COL23A1: variants seen among roughly 807,000 people sequenced by gnomAD.
COL23A1 encodes the protein collagen alpha-1(XXIII) chain.
In COL23A1, 97 loss-of-function variants were observed where a neutral mutation model predicts 99.3. That is an observed-to-expected ratio of 0.98 (90% CI 0.83 to 1.16). The LOEUF is 1.16. COL23A1 is among the 50% of genes most tolerant of loss of function. The pLI, the probability that COL23A1 is intolerant of heterozygous loss-of-function variation, is 0.00. For synonymous variants in COL23A1, 320 were observed against 308.2 expected, an observed-to-expected ratio of 1.04 and a Z score of -0.40; for missense variants, 762 against 757.4, an observed-to-expected ratio of 1.01 and a Z score of -0.07.
intron 2 of COL23A1, among the ~76,000 whole-genome samples, chr5:178,456,281 A>T (rs1767788569): frequency 6.6e-6 from 1 of 152,232 alleles, no homozygotes; most frequent in Non-Finnish European, 1.5e-5. Flanking sequence ...TTACTTTTGT[A>T]GTGAGGGAAT....
chr5:178,357,772 GTGTGTATGTGTA>G (rs1185124998), intron 2 of COL23A1, among the ~76,000 whole-genome samples: 3 of 146,726 alleles, frequency 2.0e-5, no homozygotes, highest in African/African-American at 5.2e-5. Flanking sequence ...GTGTATGTAT[GTGTGTATGTGTA>G]TGTGTGTGTG....
intron 2 of COL23A1, among the ~76,000 whole-genome samples, chr5:178,463,995 C>A (rs1450614508): frequency 6.6e-6 from 1 of 152,234 alleles, no homozygotes. Flanking sequence ...GGGGAGAAAT[C>A]TGCCGCCTCC....
intron 2 of COL23A1, among the ~76,000 whole-genome samples, chr5:178,360,197 T>C (rs1186539945): frequency 6.6e-6 from 1 of 152,140 alleles, no homozygotes; most frequent in East Asian, 1.9e-4. Flanking sequence ...AGCACAGAGA[T>C]TTCTCGGTTG....
At chr5:178,517,138 T>C (rs2127999898) in intron 2 of COL23A1, among the ~76,000 whole-genome samples, 1 of 152,308 alleles carries the variant, frequency 6.6e-6, no homozygotes, top group Middle Eastern at 3.4e-3. Context: ...CAAGGCATGG[T>C]GAGCCATACC....
intron 2 of COL23A1, among the ~76,000 whole-genome samples, chr5:178,404,615 C>T (rs959877192): frequency 1.4e-4 from 21 of 152,318 alleles, no homozygotes; most frequent in East Asian, 3.9e-4. Context: ...ATCCCTGCCG[C>T]ACATAGTGGC....
At chr5:178,548,381 C>A (rs967137327) in intron 2 of COL23A1, among the ~76,000 whole-genome samples, 1 of 152,032 alleles carries the variant, frequency 6.6e-6, no homozygotes, top group Non-Finnish European at 1.5e-5. Context: ...CCATCCTGGT[C>A]CTGCTCTCAT....
chr5:178,460,296 C>T (rs185093146), intron 2 of COL23A1, among the ~76,000 whole-genome samples: 106 of 152,166 alleles, frequency 7.0e-4, no homozygotes, highest in Non-Finnish European at 1.2e-3. Flanking sequence ...CAGTTCTTTA[C>T]CCCAAGGGGA....
rs1012771872 is a variant in COL23A1 at position 178,398,813 on chromosome 5, G to T, written c.362-91894C>A. Among the ~76,000 whole-genome samples, 5 of 152,324 alleles carry T rather than the reference G, an allele frequency of 3.3e-5. No homozygotes were observed. In the South Asian group the frequency reaches 1.0e-3, roughly 32 times the overall value. On this transcript the variant is annotated intron_variant, in intron 2 of 28. Coordinates refer to ENST00000390654, the MANE Select transcript of COL23A1 (RefSeq NM_173465.4). The stretch of plus-strand genomic sequence containing the variant: ...GTTCTCATAGGAAAGGGATCCCCTA[G>T]GCACGTCTTGTGCTAACAACATGTC...
chr5:178,351,879 A>AAG (rs1418117801), intron 2 of COL23A1: 1 of 152,136 alleles, frequency 6.6e-6, no homozygotes, highest in Non-Finnish European at 1.5e-5. Flanking sequence ...GCGCTCTTAT[A>AAG]AGAAGAGGGG....
chr5:178,556,953 CA>C (rs1762308893), intron 2 of COL23A1, among the ~76,000 whole-genome samples: 1 of 152,018 alleles, frequency 6.6e-6, no homozygotes, highest in Non-Finnish European at 1.5e-5. Context: ...AACGCTATCT[CA>C]AAAATAAATA....
intron 2 of COL23A1, among the ~76,000 whole-genome samples, chr5:178,490,781 G>GA (rs1353032757): frequency 6.6e-6 from 1 of 151,540 alleles, no homozygotes; most frequent in African/African-American, 2.4e-5. Flanking sequence ...TGTCTCAAAA[G>GA]AAAAAAAGAT....
chr5:178,251,904 CTTTTCT>C (rs1179488382), intron 17 of COL23A1, among the ~76,000 whole-genome samples: 1 of 111,132 alleles, frequency 9.0e-6, no homozygotes, highest in Non-Finnish European at 1.9e-5. Flanking sequence ...CTTTCATTTT[CTTTTCT>C]TTTTTTTTTT....
chr5:178,327,287 C>A (rs955287349), intron 2 of COL23A1, among the ~76,000 whole-genome samples: 1 of 152,214 alleles, frequency 6.6e-6, no homozygotes, highest in African/African-American at 2.4e-5. Flanking sequence ...CCAATTACAG[C>A]ACAGTGTGGG....
In COL23A1 at chr5:178,249,134, C is replaced by T. The variant is rs1288032411; in HGVS notation, c.1132G>A (p.Gly378Ser). The change falls in exon 19 of 29, where the codon GGC (glycine) becomes AGC (serine). Residue 378 changes from glycine (G) to serine (S), a missense_variant. Transcript: ENST00000390654. Reference sequence around the variant, plus strand: ...CCACATACCGGGAGGCCGGACAAGCCCATCTCGCCTGCTTCCCCTTTGAGT... The same window carrying T: ...CCACATACCGGGAGGCCGGACAAGCTCATCTCGCCTGCTTCCCCTTTGAGT... Reference protein sequence around the residue: ...AGLKGEAGEMGLSGLPGADGL... With the variant: ...AGLKGEAGEMSLSGLPGADGL... 5 of 1,614,094 alleles carry T rather than the reference C, an allele frequency of 3.1e-6. No homozygotes were observed. In the Admixed American group the frequency reaches 8.3e-5, roughly 27 times the overall value.
chr5:178,432,230 G>A (rs1766301519), intron 2 of COL23A1, among the ~76,000 whole-genome samples: 1 of 152,138 alleles, frequency 6.6e-6, no homozygotes. Context: ...TTATTCATGT[G>A]GACGAGGTCC....
intron 2 of COL23A1, among the ~76,000 whole-genome samples, chr5:178,330,702 C>T (rs1420981990): frequency 2.0e-5 from 3 of 152,098 alleles, no homozygotes. Flanking sequence ...GCCTGTGTGG[C>T]CCTGTCTGAT....
intron 2 of COL23A1, among the ~76,000 whole-genome samples, chr5:178,536,443 C>T (rs1760967812): frequency 1.3e-5 from 2 of 152,254 alleles, no homozygotes; most frequent in Non-Finnish European, 2.9e-5. Context: ...ATGTCAGGGT[C>T]CCAGGTGTGG....
chr5:178,427,602 C>T (rs1394080407), intron 2 of COL23A1, among the ~76,000 whole-genome samples: 5 of 152,144 alleles, frequency 3.3e-5, no homozygotes, highest in African/African-American at 9.7e-5. Context: ...ATATTTAGCA[C>T]TGAATAATAT....
At chr5:178,250,752 G>A (rs1192201693) in intron 17 of COL23A1, among the ~76,000 whole-genome samples, 1 of 68,030 alleles carries the variant, frequency 1.5e-5, no homozygotes, top group Non-Finnish European at 5.1e-5. Flanking sequence ...GGAGGCTGAG[G>A]TGGGTGGATC....
Sources: allele counts gnomAD v4.1 joint callset (sites outside exome capture counted in the v4.1 genomes callset), GRCh38; gene constraint gnomAD v4.1.1; transcripts MANE v1.5; gene names NCBI Gene and HGNC (gene_info 2026-07-23, HGNC 2026-07-21).